SMCHD1: variants seen among roughly 807,000 people sequenced by gnomAD.
SMCHD1 encodes structural maintenance of chromosomes flexible hinge domain containing 1.
In SMCHD1, 78 loss-of-function variants were observed where a neutral mutation model predicts 254.7. That is an observed-to-expected ratio of 0.31 (90% CI 0.26 to 0.37). SMCHD1 has a LOEUF of 0.37. Ranked by LOEUF, SMCHD1 falls within the 10% of genes least tolerant of loss-of-function variation. SMCHD1 has a pLI of 1.00. For missense variants in SMCHD1, 1,840 were observed against 2,408.1 expected, an observed-to-expected ratio of 0.76 and a Z score of 4.94; for synonymous variants, 766 against 794.9, an observed-to-expected ratio of 0.96 and a Z score of 0.61.
At chr18:2,736,835 G>A (rs1040841343) in intron 25 of SMCHD1, among the ~76,000 whole-genome samples, 10 of 152,210 alleles carry the variant, frequency 6.6e-5, no homozygotes, top group African/African-American at 2.4e-4. Context: ...GTGGAGAGCA[G>A]TTTGGAGATT....
chr18:2,667,765 G>A (rs2073478526), intron 3 of SMCHD1, among the ~76,000 whole-genome samples: 1 of 152,148 alleles, frequency 6.6e-6, no homozygotes, highest in Non-Finnish European at 1.5e-5. Context: ...TTTATATGGT[G>A]CATACTTCTT....
rs1366281600 is a variant in SMCHD1, at chr18:2,655,831, C to T, written c.-245C>T. On this transcript the variant is annotated 5_prime_UTR_variant, in exon 1 of 48. Coordinates refer to ENST00000320876, the MANE Select transcript of SMCHD1 (RefSeq NM_015295.3). ...TGAGGAGCGCGCCGCGCGTCCCCTT[C>T]TCCTCAGGAGTGGCGGGCCGCGGAA... The T allele has an allele frequency of 5.9e-6, 2 of 341,364 alleles. No homozygotes were observed. Among genetic ancestry groups the T allele is most frequent in the African/African-American group, 2.1e-5 (1 of 46,728 alleles). The allele number at this position is 341,364 out of a possible 1,614,324, so 21.1% of individuals were successfully genotyped here. A position where few individuals can be genotyped will look rare whatever the true frequency, so the allele number is the denominator to read the frequency against.
At chr18:2,801,271 G>A (rs1204171866) in intron 47 of SMCHD1, 1 of 152,086 alleles carries the variant, frequency 6.6e-6, no homozygotes, top group Non-Finnish European at 1.5e-5. Flanking sequence ...AAGAGTGTCA[G>A]TGATTTTAGA....
At chr18:2,742,098 C>G (rs1275737772) in intron 28 of SMCHD1, among the ~76,000 whole-genome samples, 1 of 152,178 alleles carries the variant, frequency 6.6e-6, no homozygotes, top group Non-Finnish European at 1.5e-5. Flanking sequence ...AGTTCTCATG[C>G]TACCCATTAG....
intron 1 of SMCHD1, among the ~76,000 whole-genome samples, chr18:2,658,760 G>A (rs762775573): frequency 2.0e-5 from 3 of 151,914 alleles, no homozygotes; most frequent in Non-Finnish European, 4.4e-5. Flanking sequence ...TCAACAAGCA[G>A]TGAAACTGGG....
chr18:2,771,534 T>G lies in SMCHD1; in HGVS notation c.4968T>G (p.Cys1656Trp). Residue 1656 changes from cysteine (C) to tryptophan (W), a missense_variant and splice_region_variant, in exon 40 of 48, where the codon TGT becomes TGG. Physicochemically the swap from Cys to Trp is radical, Grantham distance 215. This residue lies in a region of SMCHD1 where 881 missense variants were observed against 1,009.5 expected (regional missense o/e 0.87). Coordinates refer to ENST00000320876, the MANE Select transcript of SMCHD1 (RefSeq NM_015295.3). ...ASQQLLNEMK[C>W]QVEEARLKEA... ...CAAATTTTTGGTTTTTTATTTTAGG[T>G]CAAGTTGAAGAAGCAAGATTAAAAG... is the stretch of plus-strand genomic sequence containing the variant. 1 of 1,556,968 alleles carries G rather than the reference T, an allele frequency of 6.4e-7. No individual in the cohort carries two copies. Among genetic ancestry groups the G allele is most frequent in the Non-Finnish European group, 8.6e-7 (1 of 1,164,026 alleles).
At chr18:2,726,397 CTACTTAAG>C in intron 21 of SMCHD1, 47 bp from the exon 22 acceptor site, 1 of 912,834 alleles carries the variant, frequency 1.1e-6, no homozygotes, top group Admixed American at 2.9e-5. Context: ...ATGTGATAAA[CTACTTAAG>C]TATGTATTCA....
At chr18:2,772,411 T>C (rs1411090747) in intron 41 of SMCHD1, 39 bp downstream of exon 41, 2 of 1,469,752 alleles carry the variant, frequency 1.4e-6, no homozygotes, top group Non-Finnish European at 9.0e-7. Context: ...CAGTACATTT[T>C]ATTATCTTGT....
chr18:2,777,069 C>CT lies in SMCHD1; in HGVS notation c.5367-737_5367-736insT, dbSNP rs201358006. ...GAGGCATGCACCACCACCTCCCCCC[C>CT]CCATACCCTAATACTTTTTGTGAGA... On this transcript the variant is annotated intron_variant, in intron 42 of 47. Coordinates refer to ENST00000320876, the MANE Select transcript of SMCHD1 (RefSeq NM_015295.3). Among the ~76,000 whole-genome samples the CT allele has an allele frequency of 4.7e-5, 7 of 148,680 alleles. No individual in the cohort carries two copies. The East Asian group carries it at 1.3e-3, about 27-fold the overall frequency.
chr18:2,739,761 A>G (rs2075313856), intron 27 of SMCHD1, among the ~76,000 whole-genome samples: 1 of 152,160 alleles, frequency 6.6e-6, no homozygotes, highest in Non-Finnish European at 1.5e-5. Flanking sequence ...TTTTGTTAGA[A>G]GTAATATTAC....
chr18:2,800,740 G>A (rs147432973), intron 47 of SMCHD1: 205 of 152,190 alleles, frequency 1.3e-3, no homozygotes, highest in African/African-American at 4.7e-3. Flanking sequence ...GAGACTTGTT[G>A]GTAAAACAGT....
intron 45 of SMCHD1, among the ~76,000 whole-genome samples, chr18:2,787,545 A>G (rs1598448052): frequency 1.3e-5 from 2 of 152,366 alleles, no homozygotes; most frequent in Middle Eastern, 3.4e-3. Context: ...GAAACTGATA[A>G]GAAATCAGAG....
intron 5 of SMCHD1, among the ~76,000 whole-genome samples, chr18:2,681,620 A>G (rs1032357531): frequency 6.6e-6 from 1 of 151,250 alleles, no homozygotes; most frequent in Admixed American, 6.6e-5. Flanking sequence ...ATATAACATT[A>G]CATAAACCTA....
At chr18:2,686,641 G>T (rs903618990) in intron 5 of SMCHD1, among the ~76,000 whole-genome samples, 9 of 152,082 alleles carry the variant, frequency 5.9e-5, no homozygotes, top group African/African-American at 9.7e-5. Context: ...TGTATTGTGT[G>T]AGGTGTTTTG....
intron 45 of SMCHD1, among the ~76,000 whole-genome samples, chr18:2,788,572 A>G (rs2076273590): frequency 6.6e-6 from 1 of 151,960 alleles, no homozygotes; most frequent in African/African-American, 2.4e-5. Context: ...TAATCAGAAA[A>G]ATTTACTTAT....
At chr18:2,757,540 T>C (rs1312643025) in intron 34 of SMCHD1, among the ~76,000 whole-genome samples, 1 of 152,202 alleles carries the variant, frequency 6.6e-6, no homozygotes, top group Middle Eastern at 3.2e-3. Context: ...CTAATTTTCA[T>C]TGTGATTTCA....
rs929707786 is a variant in SMCHD1 at position 2,660,538 on chromosome 18, A to T, written c.186+4277A>T. Among the ~76,000 whole-genome samples the T allele has an allele frequency of 2.7e-5, 4 of 147,708 alleles. No homozygotes were observed. The South Asian group carries it at 8.5e-4, about 31-fold the overall frequency. ...ACCCAGGCTGGAGTGCAGTGGCGCA[A>T]TCTTGGCTCACTGCAACCTCCGCCT... On this transcript the variant is annotated intron_variant, in intron 1 of 47. Coordinates refer to ENST00000320876, the MANE Select transcript of SMCHD1 (RefSeq NM_015295.3).
intron 5 of SMCHD1, among the ~76,000 whole-genome samples, chr18:2,683,026 A>AT (rs918029927): frequency 1.6e-4 from 24 of 152,106 alleles, no homozygotes; most frequent in African/African-American, 5.3e-4. Context: ...GGGATTTATG[A>AT]TTTTGTGCAT....
chr18:2,716,011 G>T (rs754548326), intron 17 of SMCHD1, among the ~76,000 whole-genome samples: 1 of 152,066 alleles, frequency 6.6e-6, no homozygotes, highest in African/African-American at 2.4e-5. Context: ...CTTTGTATCC[G>T]TAGTAGTAGT....
Sources: gnomAD v4.1 joint callset for allele counts (sites outside exome capture counted in the v4.1 genomes callset) on GRCh38, gnomAD v4.1.1 for gene constraint, gnomAD v4.1.1 regional missense constraint, MANE v1.5 for transcripts, NCBI Gene and HGNC (gene_info 2026-07-23, HGNC 2026-07-21) for gene names.